The following LRTM3 variants were observed in gnomAD, a reference collection of about 807,000 sequenced individuals.
The protein encoded by LRTM3 is leucine rich repeat transmembrane protein 3.
chr13:102,743,110 T>G, the LRTM3 span: 4 of 1,550,426 alleles, frequency 2.6e-6, no homozygotes, highest in Non-Finnish European at 3.5e-6. Flanking sequence ...CCATGAAGTT[T>G]TCTGCATAGA....
At chr13:102,740,108 A>G in the LRTM3 span, 3 of 1,548,466 alleles carry the variant, frequency 1.9e-6, no homozygotes, top group African/African-American at 4.1e-5. Context: ...TTCTTTTTGT[A>G]CCTTTTCATT....
the LRTM3 span, chr13:102,749,965 A>T: frequency 1.3e-6 from 2 of 1,551,014 alleles, no homozygotes; most frequent in Non-Finnish European, 8.7e-7. Flanking sequence ...GTCTAACTTG[A>T]TCTCTAGAAA....
chr13:102,732,111 C>T, the LRTM3 span: 1 of 1,551,314 alleles, frequency 6.4e-7, no homozygotes, highest in Non-Finnish European at 8.7e-7. Context: ...AAATTCTGTT[C>T]CCCTTTTACA....
chr13:102,738,296 C>T, the LRTM3 span: 3 of 1,550,880 alleles, frequency 1.9e-6, no homozygotes, highest in Non-Finnish European at 1.7e-6. Flanking sequence ...ACTGGCCACT[C>T]CATCTGCTTT....
the LRTM3 span, chr13:102,742,347 T>C: frequency 1.5e-5 from 23 of 1,548,436 alleles, no homozygotes; most frequent in East Asian, 9.8e-5. Flanking sequence ...TTATGTCTTA[T>C]GATTTTAGGA....
chr13:102,737,092 G>A, the LRTM3 span: 2 of 1,551,142 alleles, frequency 1.3e-6, no homozygotes, highest in Non-Finnish European at 1.7e-6. Flanking sequence ...TGCTGCCAGG[G>A]ATATTGAGTG....
chr13:102,752,932 A>G, the LRTM3 span, among the ~76,000 whole-genome samples: 8 of 152,356 alleles, frequency 5.3e-5, no homozygotes, highest in Admixed American at 5.2e-4. Flanking sequence ...CCCTAATCCA[A>G]TATGACTGGT....
At chr13:102,739,197 T>G in the LRTM3 span, 1 of 1,549,838 alleles carries the variant, frequency 6.5e-7, no homozygotes, top group Non-Finnish European at 8.7e-7. Flanking sequence ...TCTAGTTTTT[T>G]ATTGCTCCGT....
chr13:102,749,437 A>G, the LRTM3 span: 1 of 1,551,388 alleles, frequency 6.4e-7, no homozygotes, highest in Non-Finnish European at 8.7e-7. Context: ...GAAATTCAGC[A>G]TTCTTAAAAA....
the LRTM3 span, chr13:102,747,564 C>G: frequency 6.4e-7 from 1 of 1,551,002 alleles, no homozygotes; most frequent in Non-Finnish European, 8.7e-7. Flanking sequence ...CTTTTTACAT[C>G]TTCCTTTTCT....
the LRTM3 span, among the ~76,000 whole-genome samples, chr13:102,751,554 G>T: frequency 6.6e-6 from 1 of 152,076 alleles, no homozygotes; most frequent in Non-Finnish European, 1.5e-5. Flanking sequence ...TCTGATACAT[G>T]ATAAATTTCG....
chr13:102,745,990 G>C, the LRTM3 span: 2 of 1,551,108 alleles, frequency 1.3e-6, no homozygotes, highest in Non-Finnish European at 1.7e-6. Flanking sequence ...TTAAGCCATC[G>C]CTGTTCTCCA....
At chr13:102,740,671 C>T in the LRTM3 span, 2 of 1,547,910 alleles carry the variant, frequency 1.3e-6, no homozygotes, top group Non-Finnish European at 1.7e-6. Context: ...TCTCTTGTTG[C>T]ATAGATGCAT....
chr13:102,744,762 T>C, the LRTM3 span: 1 of 1,550,792 alleles, frequency 6.4e-7, no homozygotes, highest in Non-Finnish European at 8.7e-7. Flanking sequence ...TGTACATTCA[T>C]GTTCATTGCA....
At chr13:102,732,817 A>C in the LRTM3 span, 4 of 1,551,304 alleles carry the variant, frequency 2.6e-6, no homozygotes, top group Non-Finnish European at 3.5e-6. Context: ...TCTGATTCAC[A>C]GTACTATCAT....
chr13:102,753,047 A>C, the LRTM3 span, among the ~76,000 whole-genome samples: 1 of 152,204 alleles, frequency 6.6e-6, no homozygotes, highest in African/African-American at 2.4e-5. Flanking sequence ...CAATATTTAC[A>C]ATAGCAAAGA....
At chr13:102,730,602 C>A in the LRTM3 span, 5 of 1,551,646 alleles carry the variant, frequency 3.2e-6, no homozygotes, top group Admixed American at 2.0e-5. Context: ...GAAGCACACA[C>A]AAGGGTTGGC....
the LRTM3 span, among the ~76,000 whole-genome samples, chr13:102,751,386 CACAT>C: frequency 7.2e-5 from 10 of 138,770 alleles, no homozygotes; most frequent in Non-Finnish European, 1.3e-4. Context: ...CACACACACA[CACAT>C]ATCCTACTGG....
chr13:102,741,026 C>T, the LRTM3 span: 2 of 1,550,158 alleles, frequency 1.3e-6, no homozygotes, highest in Non-Finnish European at 1.7e-6. Context: ...TACCATTGGG[C>T]TTAGAACTTT....
Sources: gnomAD v4.1 joint callset for allele counts (sites outside exome capture counted in the v4.1 genomes callset) on GRCh38, gnomAD v4.1.1 for gene constraint, MANE v1.5 for transcripts, NCBI Gene and HGNC (gene_info 2026-07-23, HGNC 2026-07-21) for gene names.